Variants in CYB5R2 observed in about 807,000 individuals in gnomAD.
The protein encoded by CYB5R2 is cytochrome b5 reductase 2.
CYB5R2 carries 35 observed loss-of-function variants against 29.8 expected under a neutral mutation model. That is an observed-to-expected ratio of 1.17 (90% CI 0.90 to 1.56). The LOEUF is 1.56. CYB5R2 is among the 40% of genes most tolerant of loss of function. The pLI, the probability that CYB5R2 is intolerant of heterozygous loss-of-function variation, is 0.00. For missense variants in CYB5R2, 419 were observed against 346.7 expected (o/e 1.21, Z -1.66); for synonymous variants, 169 against 130.6 (o/e 1.29, Z -2.01).
At chr11:7,668,606 A>C in intron 5 of CYB5R2, 45 bp from the exon 6 acceptor site, 1 of 1,449,504 alleles carries the variant, frequency 6.9e-7, no homozygotes. Flanking sequence ...TTCTTGCCTA[A>C]AGAGACTGCA....
chr11:7,666,218 G>A (rs886170387), intron 8 of CYB5R2: 6 of 514,196 alleles, frequency 1.2e-5, no homozygotes, highest in East Asian at 2.9e-5. Context: ...TCAGTGCAGC[G>A]TGAGGTGCTG....
At chr11:7,666,300 C>T (rs963486681) in intron 8 of CYB5R2, 151 bp downstream of exon 8, 18 of 618,304 alleles carry the variant, frequency 2.9e-5, no homozygotes, top group Non-Finnish European at 4.9e-5. Context: ...CCCTCAATTT[C>T]TCACATTTCC....
chr11:7,673,149 G>T, intron 1 of CYB5R2: 2 of 412,344 alleles, frequency 4.9e-6, no homozygotes, highest in Admixed American at 7.2e-5. Flanking sequence ...CATGGCCTGG[G>T]GTGCTCAGGT....
Position 7,668,565 on chromosome 11 carries a change from G to A in CYB5R2, c.389-4C>T, listed in dbSNP as rs1855507721. 6.2e-7 allele frequency: 1 copy of A among 1,609,348 alleles called. No individual in the cohort carries two copies. The highest frequency in any genetic ancestry group is 1.7e-5 in the Admixed American group (1 of 59,996). On this transcript the variant is annotated splice_region_variant and splice_polypyrimidine_tract_variant and intron_variant, in intron 5 of 8. Coordinates refer to ENST00000299498, the MANE Select transcript of CYB5R2 (RefSeq NM_016229.5). Reference sequence around the variant, plus strand: ...TCTGGTCTGATTCCAAGATTCCCTGGAAACACAGAGAATGCTTATGACCTC... The same window carrying A: ...TCTGGTCTGATTCCAAGATTCCCTGAAAACACAGAGAATGCTTATGACCTC...
At chr11:7,673,718 C>A (rs1007603777), upstream of CYB5R2, 4 of 986,250 alleles carry the variant, frequency 4.1e-6, no homozygotes, top group Non-Finnish European at 4.8e-6. Flanking sequence ...CGGAACCCAC[C>A]CGGAGTGAGA....
chr11:7,672,247 G>C (rs747470246), intron 3 of CYB5R2: 20 of 561,084 alleles, frequency 3.6e-5, no homozygotes, highest in Admixed American at 3.1e-4. Context: ...TACCACTCTC[G>C]TGTCAGCCCA....
At chr11:7,667,490 A>G (rs1590868026) in intron 7 of CYB5R2, 1 of 408,028 alleles carries the variant, frequency 2.5e-6, no homozygotes, top group Non-Finnish European at 4.3e-6. Flanking sequence ...ATCTTAAGGA[A>G]AAAAGGAATG....
At position 7,672,783 on chromosome 11, in the gene CYB5R2, C is replaced by T. The variant is rs1213062469; in HGVS notation, c.43G>A (p.Glu15Lys). 2 of 1,614,188 alleles carry T rather than the reference C, an allele frequency of 1.2e-6. No individual in the cohort carries two copies. Among genetic ancestry groups the T allele is most frequent in the Non-Finnish European group, 1.7e-6 (2 of 1,180,032 alleles). ...ATCAAGGGCAGCGGGTACTTGGCTT[C>T]AGGGTCCTGTAAGGTGATTGGCTCT... ...RREPITLQDP[E>K]AKYPLPLIEK... Residue 15 changes from glutamate (E) to lysine (K), a missense_variant, in exon 2 of 9, where the codon GAA (glutamate) becomes AAA (lysine). Glu to Lys is a moderately conservative substitution (Grantham distance 56). Transcript: ENST00000299498.
rs369788786 is a variant in CYB5R2 at position 7,669,593 on chromosome 11, C to T, written c.258+32G>A. ...ACCACCCTCAGTAGGCTTGGAAGCA[C>T]GAGCTAGCCAGATATGGTGGGCACT... On this transcript the variant is annotated intron_variant, in intron 4 of 8. Transcript: ENST00000299498. 2.5e-4 allele frequency: 379 copies of T among 1,516,468 alleles called. 2 individuals are homozygous for T. The highest frequency in any genetic ancestry group is 3.0e-4 in the Non-Finnish European group (339 of 1,119,726). 93.9% of individuals were successfully genotyped at this position (1,516,468 alleles called of 1,614,324 possible).
At chr11:7,665,737 G>T in intron 8 of CYB5R2, 191 bp from the exon 9 acceptor site, 1 of 1,251,072 alleles carries the variant, frequency 8.0e-7, no homozygotes, top group Non-Finnish European at 1.1e-6. Flanking sequence ...AATCACCCCA[G>T]GTCCCAGGCT....
At chr11:7,672,415 G>T in intron 3 of CYB5R2, 36 bp downstream of exon 3, 2 of 1,588,036 alleles carry the variant, frequency 1.3e-6, no homozygotes, top group Non-Finnish European at 1.7e-6. Flanking sequence ...AGCCCCCAGA[G>T]GCCCCAGTCC....
At chr11:7,673,867 A>G (rs1855922560), upstream of CYB5R2, 1 of 990,678 alleles carries the variant, frequency 1.0e-6, no homozygotes, top group Non-Finnish European at 1.2e-6. Context: ...CGGGAGGACA[A>G]AAGCGCGGGC....
Position 7,669,311 on chromosome 11 carries a change from G to A in CYB5R2, c.282C>T (p.Pro94=). The change falls in exon 5 of 9, where the codon CCC becomes CCT. Residue 94 remains proline, a synonymous_variant. Transcript: ENST00000299498. ...IIKIYFKNVH[P]QYPEGGKMTQ... The stretch of plus-strand genomic sequence containing the variant: ...TCATCTTCCCACCTTCAGGATATTG[G>A]GGGTGTACATTTTTGAAGTAGATCT... 1 of 1,612,974 alleles carries A rather than the reference G, an allele frequency of 6.2e-7. No individual in the cohort carries two copies. The highest frequency in any genetic ancestry group is 8.5e-7 in the Non-Finnish European group (1 of 1,179,398).
chr11:7,673,562 C>T (rs1210086884), upstream of CYB5R2: 3 of 985,380 alleles, frequency 3.0e-6, no homozygotes, highest in Non-Finnish European at 3.6e-6. Flanking sequence ...CGCCCACGAC[C>T]TCTCCCCACG....
intron 3 of CYB5R2, chr11:7,670,213 TGTG>T (rs1855642661): frequency 1.2e-5 from 2 of 164,198 alleles, no homozygotes; most frequent in Non-Finnish European, 2.6e-5. Context: ...ATTAGCCAGG[TGTG>T]GTGGTGCACA....
At chr11:7,674,208 T>G (rs1267091370), upstream of CYB5R2, 3 of 1,276,314 alleles carry the variant, frequency 2.4e-6, no homozygotes. Flanking sequence ...AGCGCGCGAA[T>G]ATATTCATTC....
intron 7 of CYB5R2, chr11:7,666,851 TCGGA>T: frequency 3.7e-6 from 1 of 270,556 alleles, no homozygotes; most frequent in Non-Finnish European, 7.2e-6. Context: ...ATGGCTTCAC[TCGGA>T]GCTCCAGCCC....
At chr11:7,669,396 T>C in intron 4 of CYB5R2, 62 bp from the exon 5 acceptor site, 1 of 1,546,590 alleles carries the variant, frequency 6.5e-7, no homozygotes, top group Non-Finnish European at 8.7e-7. Flanking sequence ...CACGTACAAC[T>C]AGAAAATGCA....
In CYB5R2 at chr11:7,665,599, G is replaced by A. The variant is rs112623324; in HGVS notation, c.659-53C>T. ...CTGAGCGATGCCAGGTGGAGTTCCT[G>A]ATCCCAGGCCGCCTGCACACCCACC... On this transcript the variant is annotated intron_variant, in intron 8 of 8. Coordinates refer to ENST00000299498, the MANE Select transcript of CYB5R2 (RefSeq NM_016229.5). 26,037 of 1,534,820 alleles carry A rather than the reference G, an allele frequency of 0.017. 1,744 individuals are homozygous for A. In the African/African-American group the frequency reaches 0.2, roughly 12 times the overall value.
Sources: allele counts gnomAD v4.1 joint callset, GRCh38; gene constraint gnomAD v4.1.1; transcripts MANE v1.5; gene names NCBI Gene and HGNC (gene_info 2026-07-23, HGNC 2026-07-21).